The following BBS4 variants were observed in gnomAD, a reference collection of about 807,000 sequenced individuals.
The protein encoded by BBS4 is BBSome complex member BBS4.
A neutral mutation model predicts 71.4 loss-of-function variants in BBS4; 58 were observed. The ratio of observed to expected loss-of-function variants is 0.81; its 90% CI spans 0.66 to 1.01. The LOEUF (loss-of-function observed/expected upper bound fraction) is 1.01. Among genes scored for constraint, BBS4 ranks in the 50% least tolerant of loss-of-function variants. The pLI, the probability that BBS4 is intolerant of heterozygous loss-of-function variation, is 0.00. For missense variants in BBS4, 660 were observed against 607.9 expected, an observed-to-expected ratio of 1.09 and a Z score of -0.90; for synonymous variants, 228 against 216.8, an observed-to-expected ratio of 1.05 and a Z score of -0.46.
At chr15:72,731,979 G>A (rs9806649) in intron 12 of BBS4, among the ~76,000 whole-genome samples, 146,545 of 152,236 alleles carry the variant, frequency 0.96, 70,801 homozygotes, top group Non-Finnish European at 1. Context: ...CCTTTTACCA[G>A]TTTTTTCCTC....
At chr15:72,729,306 A>G (rs564599300) in intron 9 of BBS4, among the ~76,000 whole-genome samples, 1 of 141,836 alleles carries the variant, frequency 7.1e-6, no homozygotes, top group Non-Finnish European at 1.5e-5. Context: ...GCTAGAGTGC[A>G]ATGGCGTGAT....
intron 2 of BBS4, among the ~76,000 whole-genome samples, chr15:72,707,294 C>T (rs998020): frequency 0.55 from 83,490 of 150,754 alleles, 24,259 homozygotes; most frequent in Middle Eastern, 0.68. Flanking sequence ...TTCTGGTGCC[C>T]AAGCCTCCCT....
At chr15:72,730,134 G>A (rs1205164240) in intron 10 of BBS4, among the ~76,000 whole-genome samples, 4 of 151,640 alleles carry the variant, frequency 2.6e-5, no homozygotes, top group East Asian at 1.9e-4. Context: ...AAAATTAGCC[G>A]GGCGTGGTGG....
At chr15:72,735,390 C>A in intron 13 of BBS4, 1 of 599,702 alleles carries the variant, frequency 1.7e-6, no homozygotes, top group Non-Finnish European at 3.1e-6. Context: ...GTTTCCAGTC[C>A]TAAACTGAGT....
chr15:72,733,961 A>C (rs2065875290), intron 12 of BBS4, among the ~76,000 whole-genome samples: 1 of 152,168 alleles, frequency 6.6e-6, no homozygotes, highest in South Asian at 2.1e-4. Context: ...AATAATAGCC[A>C]TTTTGACTGG....
At chr15:72,722,461 G>T (rs960586994) in intron 6 of BBS4, among the ~76,000 whole-genome samples, 59 of 152,352 alleles carry the variant, frequency 3.9e-4, no homozygotes, top group African/African-American at 1.1e-3. Context: ...AGTCTCTCCT[G>T]AGAAGAAGGA....
intron 4 of BBS4, among the ~76,000 whole-genome samples, chr15:72,714,850 A>T (rs1228523135): frequency 5.9e-5 from 9 of 152,172 alleles, no homozygotes; most frequent in Admixed American, 4.6e-4. Context: ...ATGTTACTTT[A>T]TCCTTTGCCA....
intron 4 of BBS4, 84 bp downstream of exon 4, chr15:72,712,391 A>G: frequency 7.6e-7 from 1 of 1,318,684 alleles, no homozygotes. Context: ...TGAAGAAACA[A>G]GTTCAAGTAC....
At chr15:72,688,712 A>G (rs1219543540) in intron 1 of BBS4, among the ~76,000 whole-genome samples, 1 of 152,108 alleles carries the variant, frequency 6.6e-6, no homozygotes, top group Non-Finnish European at 1.5e-5. Flanking sequence ...CTTATTTTTT[A>G]ATACAATTAA....
intron 8 of BBS4, 80 bp downstream of exon 8, chr15:72,724,735 T>A: frequency 6.5e-7 from 1 of 1,542,298 alleles, no homozygotes. Context: ...CCTAAAAGAG[T>A]GAATATGTTT....
intron 2 of BBS4, chr15:72,704,293 A>T: frequency 4.5e-6 from 2 of 442,362 alleles, no homozygotes; most frequent in Admixed American, 6.2e-5. Context: ...GGAGATGATC[A>T]CTGTGCTTTA....
intron 3 of BBS4, among the ~76,000 whole-genome samples, chr15:72,709,999 T>C (rs1177446994): frequency 2.6e-5 from 4 of 152,136 alleles, no homozygotes; most frequent in Admixed American, 2.6e-4. Flanking sequence ...TAATTGCTCA[T>C]GGGCTTTCAG....
At chr15:72,721,134 C>A (rs981513047) in intron 6 of BBS4, among the ~76,000 whole-genome samples, 1 of 152,042 alleles carries the variant, frequency 6.6e-6, no homozygotes, top group African/African-American at 2.4e-5. Context: ...TCCCAATGTT[C>A]TATAATATGG....
At position 72,731,287 on chromosome 15, in the gene BBS4, T is replaced by C. The variant is rs1330105656; in HGVS notation, c.712-18T>C. On this transcript the variant is annotated intron_variant, in intron 10 of 15. Coordinates refer to ENST00000268057, the MANE Select transcript of BBS4 (RefSeq NM_033028.5). ...TTTTGGGAATGACTGAATGACTTTC[T>C]CTGTGCCATGTTTTCAGGCCATCTT... The C allele has an allele frequency of 6.2e-7, 1 of 1,613,934 alleles. No homozygotes were observed. Among genetic ancestry groups the C allele is most frequent in the African/African-American group, 1.3e-5 (1 of 74,882 alleles).
At chr15:72,736,545 G>C (rs2065928412) in intron 14 of BBS4, among the ~76,000 whole-genome samples, 1 of 152,114 alleles carries the variant, frequency 6.6e-6, no homozygotes, top group African/African-American at 2.4e-5. Context: ...AATGCACCAG[G>C]CTTGAATTGT....
chr15:72,700,278 G>A (rs958538524), intron 2 of BBS4, among the ~76,000 whole-genome samples: 2 of 152,170 alleles, frequency 1.3e-5, no homozygotes, highest in African/African-American at 4.8e-5. Context: ...GTGCATGTGT[G>A]TGCAAGTTTT....
intron 10 of BBS4, among the ~76,000 whole-genome samples, 155 bp from the exon 11 acceptor site, chr15:72,731,150 T>G (rs1279863745): frequency 6.7e-6 from 1 of 148,848 alleles, no homozygotes; most frequent in Admixed American, 6.8e-5. Flanking sequence ...TCAGGAACAT[T>G]TGTCCCAATA....
intron 1 of BBS4, chr15:72,686,513 A>G (rs2064842490): frequency 6.6e-7 from 1 of 1,512,846 alleles, no homozygotes; most frequent in Non-Finnish European, 8.8e-7. Context: ...ACTTTTCACC[A>G]GTAATGGCTC....
rs563125338 is a variant in BBS4 at position 72,734,941 on chromosome 15, C to T, written c.1037-172C>T. ...CAAAAAAAGGATGCATAGAACCTGG[C>T]AACTGATTGACTGTAGAAGAGATGG... On this transcript the variant is annotated intron_variant, in intron 12 of 15. Transcript: ENST00000268057. The T allele has an allele frequency of 1.1e-5, 7 of 635,680 alleles. No homozygotes were observed. The African/African-American group carries it at 1.3e-4, about 12-fold the overall frequency. 39.4% of individuals were successfully genotyped at this position (635,680 alleles called of 1,614,324 possible).
Sources: allele counts gnomAD v4.1 joint callset (sites outside exome capture counted in the v4.1 genomes callset), GRCh38; gene constraint gnomAD v4.1.1; transcripts MANE v1.5; gene names NCBI Gene and HGNC (gene_info 2026-07-23, HGNC 2026-07-21).